GSG1L: variants seen among roughly 807,000 people sequenced by gnomAD.
The protein encoded by GSG1L is germ cell-specific gene 1-like protein.
A neutral mutation model predicts 42.1 loss-of-function variants in GSG1L; 24 were observed. The ratio of observed to expected loss-of-function variants is 0.57; its 90% CI spans 0.41 to 0.80. The LOEUF (loss-of-function observed/expected upper bound fraction) is 0.80. Among genes scored for constraint, GSG1L ranks in the 30% least tolerant of loss-of-function variants. GSG1L has a pLI of 0.00. For missense variants in GSG1L, 445 were observed against 472.2 expected (o/e 0.94, Z 0.53); for synonymous variants, 215 against 203.5 (o/e 1.06, Z -0.48).
chr16:28,062,982 G>A (rs1466555960), intron 1 of GSG1L, 94 bp downstream of exon 1: 3 of 1,213,102 alleles, frequency 2.5e-6, no homozygotes, highest in Non-Finnish European at 2.0e-6. Flanking sequence ...CCAGGCGGCG[G>A]GAGGAGGGCG....
At chr16:27,982,862 C>G (rs2085339665) in intron 1 of GSG1L, among the ~76,000 whole-genome samples, 1 of 152,160 alleles carries the variant, frequency 6.6e-6, no homozygotes, top group African/African-American at 2.4e-5. Flanking sequence ...CATAAGGGAT[C>G]CACGCCCATG....
intron 1 of GSG1L, among the ~76,000 whole-genome samples, chr16:28,019,922 A>G (rs1354877008): frequency 6.6e-6 from 1 of 152,148 alleles, no homozygotes; most frequent in African/African-American, 2.4e-5. Flanking sequence ...CTGCTCTATC[A>G]TCATGCTCAC....
At chr16:27,874,441 CTTTTTTTTTTTTTTTTTTT>C (rs71140916) in intron 3 of GSG1L, among the ~76,000 whole-genome samples, 4 of 94,420 alleles carry the variant, frequency 4.2e-5, no homozygotes, top group East Asian at 4.4e-4. Flanking sequence ...ACAGGAGAGC[CTTTTTTTTTTTTTTTTTTT>C]TTTTTTTTTT....
In GSG1L at chr16:27,787,985, C is replaced by T. The variant is rs199934147; in HGVS notation, c.*3385G>A. 1 of 136,558 alleles carries T rather than the reference C, an allele frequency of 7.3e-6. No individual in the cohort carries two copies. The highest frequency in any genetic ancestry group is 2.5e-5 in the African/African-American group (1 of 40,418). The allele number at this position is 136,558 out of a possible 1,614,324, so 8.5% of individuals were successfully genotyped here. ...ATTTCCAGCCCCGCCTTAAGCCCCA[C>T]CTAGTAGGTCATTAATATTTACTGA... On this transcript the variant is annotated 3_prime_UTR_variant, in exon 7 of 7. Coordinates refer to ENST00000447459, the MANE Select transcript of GSG1L (RefSeq NM_001109763.2).
chr16:27,826,179 G>T lies in GSG1L; in HGVS notation c.830+2610C>A, dbSNP rs186380538. Among the ~76,000 whole-genome samples, 45 of 152,308 alleles carry T rather than the reference G, an allele frequency of 3.0e-4. No homozygotes were observed. In the East Asian group the frequency reaches 8.5e-3, roughly 29 times the overall value. On this transcript the variant is annotated intron_variant, in intron 5 of 6. Coordinates refer to ENST00000447459, the MANE Select transcript of GSG1L (RefSeq NM_001109763.2). Reference sequence around the variant, plus strand: ...AGGTCCCAAGGTGGGGACGCACTTGGAGTGCCTGAGGGATGGAAAGGAGGC... The same window carrying T: ...AGGTCCCAAGGTGGGGACGCACTTGTAGTGCCTGAGGGATGGAAAGGAGGC...
At chr16:27,937,282 G>C (rs1230063246) in intron 2 of GSG1L, among the ~76,000 whole-genome samples, 1 of 151,790 alleles carries the variant, frequency 6.6e-6, no homozygotes, top group Non-Finnish European at 1.5e-5. Flanking sequence ...CTGTCATCCA[G>C]GCTGGAGTGC....
chr16:28,023,614 A>G (rs887126803), intron 1 of GSG1L, among the ~76,000 whole-genome samples: 7 of 152,316 alleles, frequency 4.6e-5, no homozygotes, highest in East Asian at 3.9e-4. Flanking sequence ...CAACTTGTCT[A>G]TTGTCAAAGT....
At chr16:27,990,879 C>T (rs1343259481) in intron 1 of GSG1L, among the ~76,000 whole-genome samples, 2 of 152,056 alleles carry the variant, frequency 1.3e-5, no homozygotes, top group South Asian at 2.1e-4. Context: ...TGTAACAAAC[C>T]TGCACGTTGT....
chr16:27,912,465 C>A (rs950078782), intron 2 of GSG1L, among the ~76,000 whole-genome samples: 1 of 152,098 alleles, frequency 6.6e-6, no homozygotes, highest in African/African-American at 2.4e-5. Flanking sequence ...TGCAGTGATC[C>A]CTGATTGTAC....
intron 2 of GSG1L, among the ~76,000 whole-genome samples, chr16:27,898,670 CTCTT>C (rs1267757328): frequency 9.4e-5 from 11 of 117,402 alleles, no homozygotes; most frequent in Admixed American, 8.5e-4. Context: ...CTCTTCCTCC[CTCTT>C]TCTCTCTCTC....
Position 28,053,765 on chromosome 16 carries a change from G to A in GSG1L, c.349+9311C>T, listed in dbSNP as rs543839284. Among the ~76,000 whole-genome samples, 9 of 152,286 alleles carry A rather than the reference G, an allele frequency of 5.9e-5. No homozygotes were observed. The East Asian group carries it at 1.4e-3, about 23-fold the overall frequency. On this transcript the variant is annotated intron_variant, in intron 1 of 6. Coordinates refer to ENST00000447459, the MANE Select transcript of GSG1L (RefSeq NM_001109763.2). The stretch of plus-strand genomic sequence containing the variant: ...TGCATGCATGCGTGTGTGCACACAC[G>A]TGTGTCTCTTTCTCTGCCCACATAT...
intron 5 of GSG1L, among the ~76,000 whole-genome samples, chr16:27,809,692 G>C (rs747993010): frequency 5.9e-5 from 9 of 152,048 alleles, no homozygotes; most frequent in Non-Finnish European, 7.4e-5. Flanking sequence ...TTGTCTTGCA[G>C]CTGTCCTAAA....
chr16:27,888,477 T>TTTCCTTCCTTC (rs1567505838), intron 2 of GSG1L, among the ~76,000 whole-genome samples: 2 of 40,572 alleles, frequency 4.9e-5, no homozygotes, highest in African/African-American at 1.3e-4. Context: ...TCTCTCTCTC[T>TTTCCTTCCTTC]CTTTCCTTTC....
chr16:27,865,540 T>C (rs997159065), intron 3 of GSG1L, among the ~76,000 whole-genome samples: 1 of 14,592 alleles, frequency 6.9e-5, no homozygotes, highest in African/African-American at 4.5e-4. Context: ...TATATATATA[T>C]ATATATATAT....
chr16:27,793,812 C>A (rs12447401), intron 6 of GSG1L, among the ~76,000 whole-genome samples: 26,544 of 152,062 alleles, frequency 0.17, 2,364 homozygotes, highest in African/African-American at 0.23. Flanking sequence ...TGTGTGTATA[C>A]AGAGGAGAAC....
intron 2 of GSG1L, among the ~76,000 whole-genome samples, chr16:27,961,610 C>T (rs763124745): frequency 4.6e-5 from 7 of 152,206 alleles, no homozygotes; most frequent in African/African-American, 1.4e-4. Context: ...ATGCTTGCGA[C>T]GTGCTTGGCA....
At chr16:27,955,598 A>G (rs1445315570) in intron 2 of GSG1L, among the ~76,000 whole-genome samples, 3 of 152,194 alleles carry the variant, frequency 2.0e-5, no homozygotes, top group South Asian at 2.1e-4. Context: ...AAAATTTTAT[A>G]CCCAGCAAAA....
intron 1 of GSG1L, among the ~76,000 whole-genome samples, chr16:28,031,781 T>C (rs2085967047): frequency 1.3e-5 from 2 of 152,232 alleles, no homozygotes; most frequent in African/African-American, 4.8e-5. Flanking sequence ...CCGCCTTATA[T>C]AAAAGTTAAC....
chr16:27,907,254 G>A (rs986903327), intron 2 of GSG1L, among the ~76,000 whole-genome samples: 1 of 152,202 alleles, frequency 6.6e-6, no homozygotes, highest in African/African-American at 2.4e-5. Flanking sequence ...CAGGAGAGCC[G>A]AGCAGAGAGA....
Sources: gnomAD v4.1 joint callset for allele counts (sites outside exome capture counted in the v4.1 genomes callset) on GRCh38, gnomAD v4.1.1 for gene constraint, MANE v1.5 for transcripts, NCBI Gene and HGNC (gene_info 2026-07-23, HGNC 2026-07-21) for gene names.